Variants in SHOX observed in about 807,000 individuals in gnomAD.
SHOX encodes the protein SHOX homeobox.
In SHOX, 12 loss-of-function variants were observed where a neutral mutation model predicts 29.6. The ratio of observed to expected loss-of-function variants is 0.41; its 90% confidence interval spans 0.26 to 0.66. SHOX has a LOEUF of 0.66. Ranked by LOEUF, SHOX falls within the 30% of genes least tolerant of loss-of-function variation. The pLI, the probability that SHOX is intolerant of heterozygous loss-of-function variation, is 0.35. For synonymous variants in SHOX, 214 were observed against 200.6 expected (o/e 1.07, Z -0.57); for missense variants, 499 against 437.7 (o/e 1.14, Z -1.25).
chrX:637,769 T>G (rs2052783340), intron 2 of SHOX, among the ~76,000 whole-genome samples: 1 of 152,188 alleles, frequency 6.6e-6, no homozygotes, highest in Non-Finnish European at 1.5e-5. Flanking sequence ...TCTCTGTGAA[T>G]TCTTGGGTCA....
chrX:633,744 G>A (rs1433805428), intron 1 of SHOX, among the ~76,000 whole-genome samples: 1 of 152,140 alleles, frequency 6.6e-6, no homozygotes, highest in Admixed American at 6.5e-5. Context: ...TAGGAACAGA[G>A]GGGCGTTGGA....
In SHOX at chrX:651,211, T is replaced by G. The variant is rs762874088; in HGVS notation, c.*6575T>G. ...TTATTTTTATATTTCTGAAAACTGT[T>G]GCTTTTTCTTTTTCCCTCCCCCATT... is the stretch of plus-strand genomic sequence containing the variant. On this transcript the variant is annotated 3_prime_UTR_variant, in exon 5 of 5. Transcript: ENST00000686671. 18 of 431,976 alleles carry G rather than the reference T, an allele frequency of 4.2e-5. No individual in the cohort carries two copies. The highest frequency in any genetic ancestry group is 7.0e-5 in the Non-Finnish European group (15 of 214,800). 26.8% of individuals were successfully genotyped at this position (431,976 alleles called of 1,614,324 possible). A position where few individuals can be genotyped will look rare whatever the true frequency, so the allele number is the denominator to read the frequency against.
Position 649,902 on chromosome X carries a change from T to C in SHOX, c.*5266T>C, listed in dbSNP as rs757581888. On this transcript the variant is annotated 3_prime_UTR_variant, in exon 5 of 5. Coordinates refer to ENST00000686671, the MANE Select transcript of SHOX (RefSeq NM_000451.4). ...TCTGGTGAAATCTGTTTCTGACATA[T>C]CCACTTTTCTCTCTCTTTTCTCTCT... The C allele has an allele frequency of 2.2e-6, 1 of 456,076 alleles. No individual in the cohort carries two copies. Among genetic ancestry groups the C allele is most frequent in the South Asian group, 1.5e-5 (1 of 64,562 alleles). 28.3% of individuals were successfully genotyped at this position (456,076 alleles called of 1,614,324 possible). A position where few individuals can be genotyped will look rare whatever the true frequency, so the allele number is the denominator to read the frequency against.
At chrX:656,032 G>A (rs909851562), downstream of SHOX, among the ~76,000 whole-genome samples, 1 of 145,924 alleles carries the variant, frequency 6.9e-6, no homozygotes, top group South Asian at 2.3e-4. Flanking sequence ...AAAACATTTA[G>A]CCAGATGTGG....
At position 637,794 on chromosome X, in the gene SHOX, C is replaced by G. The variant is rs760254623; in HGVS notation, c.486+2968C>G. Among the ~76,000 whole-genome samples, 4 of 152,296 alleles carry G rather than the reference C, an allele frequency of 2.6e-5. No homozygotes were observed. In the South Asian group the frequency reaches 8.3e-4, roughly 32 times the overall value. On this transcript the variant is annotated intron_variant, in intron 2 of 4. Coordinates refer to ENST00000686671, the MANE Select transcript of SHOX (RefSeq NM_000451.4). ...TTCTTGGGTCACATGCGTCTCAGTA[C>G]AGCCCGTCCCGTGCTGTGACCGGAT...
intron 4 of SHOX, 72 bp from the exon 5 acceptor site, chrX:644,319 C>T: frequency 1.4e-6 from 2 of 1,441,714 alleles, no homozygotes; most frequent in Non-Finnish European, 9.1e-7. Context: ...TGGAGGTTTC[C>T]GGGGGCGCGG....
At chrX:651,983 C>T (rs190963908), downstream of SHOX, among the ~76,000 whole-genome samples, 66 of 152,114 alleles carry the variant, frequency 4.3e-4, no homozygotes, top group East Asian at 9.7e-4. Flanking sequence ...AGTGCAGGGG[C>T]GCGATCTCGG....
chrX:636,232 TA>T (rs2052745160), intron 2 of SHOX, among the ~76,000 whole-genome samples: 2 of 145,928 alleles, frequency 1.4e-5, no homozygotes, highest in Non-Finnish European at 3.0e-5. Context: ...ATATAATATA[TA>T]AATCTATAAA....
rs762812932 is a variant in SHOX at position 644,640 on chromosome X, G to A, written c.*4G>A. 9.5e-6 allele frequency: 14 copies of A among 1,468,542 alleles called. No individual in the cohort carries two copies. The highest frequency in any genetic ancestry group is 2.6e-5 in the South Asian group (2 of 76,144). 91.0% of individuals were successfully genotyped at this position (1,468,542 alleles called of 1,614,324 possible). ...CGCGGAGGCCCTGGGGCTCTGACCC[G>A]CCGCGCAGCCCCCCGCGCGCCCGGA... On this transcript the variant is annotated 3_prime_UTR_variant, in exon 5 of 5. Coordinates refer to ENST00000686671, the MANE Select transcript of SHOX (RefSeq NM_000451.4).
At chrX:626,830 CTCTT>C (rs1248314543), upstream of SHOX, among the ~76,000 whole-genome samples, 22 of 151,208 alleles carry the variant, frequency 1.5e-4, no homozygotes, top group Admixed American at 2.0e-4. Flanking sequence ...TCTCCTCTCT[CTCTT>C]TTTCTGTCTC....
chrX:655,066 G>A (rs766360872), downstream of SHOX, among the ~76,000 whole-genome samples: 12 of 152,058 alleles, frequency 7.9e-5, no homozygotes, highest in South Asian at 2.3e-3. Flanking sequence ...CTGGCTGACA[G>A]AGTGAGACCA....
In SHOX at chrX:625,323, A is replaced by C. The variant is rs1443899412; in HGVS notation, c.-433+721A>C. ...TTATTCGCAGTCGTTGTTTTTGTCC[A>C]TCCACTAACTTCTCTGAAACCTGAT... On this transcript the variant is annotated intron_variant, in intron 1 of 5. Transcript: ENST00000334060. 5.3e-5 allele frequency among the ~76,000 whole-genome samples: 8 copies of C among 150,002 alleles called. No individual in the cohort carries two copies. In the Admixed American group the frequency reaches 5.3e-4, roughly 10 times the overall value.
Position 630,820 on chromosome X carries a change from G to T in SHOX, c.-78G>T. 2.6e-6 allele frequency: 4 copies of T among 1,562,084 alleles called. No individual in the cohort carries two copies. Among genetic ancestry groups the T allele is most frequent in the Non-Finnish European group, 3.5e-6 (4 of 1,138,046 alleles). On this transcript the variant is annotated 5_prime_UTR_variant, in exon 1 of 5. Coordinates refer to ENST00000686671, the MANE Select transcript of SHOX (RefSeq NM_000451.4). The stretch of plus-strand genomic sequence containing the variant: ...ATAACAGCGCTGGTGATCCACCCGC[G>T]CGCACGGGCCGTCCTCTCCGCGCGG...
At chrX:655,305 C>T (rs1435414870), downstream of SHOX, among the ~76,000 whole-genome samples, 1 of 151,710 alleles carries the variant, frequency 6.6e-6, no homozygotes. Flanking sequence ...GACGGGATTT[C>T]ACCGTGTTAG....
chrX:641,954 G>T (rs1047722325), intron 4 of SHOX, among the ~76,000 whole-genome samples: 14 of 152,100 alleles, frequency 9.2e-5, no homozygotes, highest in Non-Finnish European at 2.1e-4. Context: ...CCCTGGCTTG[G>T]GCTCTGCACC....
chrX:644,588 C>T lies in SHOX; in HGVS notation c.831C>T (p.Ala277=), dbSNP rs1341478838. The T allele has an allele frequency of 6.6e-7, 1 of 1,512,742 alleles. No individual in the cohort carries two copies. The highest frequency in any genetic ancestry group is 8.8e-7 in the Non-Finnish European group (1 of 1,137,396). The allele number at this position is 1,512,742 out of a possible 1,614,324, so 93.7% of individuals were successfully genotyped here. A position where few individuals can be genotyped will look rare whatever the true frequency, so the allele number is the denominator to read the frequency against. ...GCAACAGCAAGAATTCCAGCATCGCCGACCTGCGGCTCAAGGCGCGGAAGC... is the reference window on the plus strand; with the variant it reads ...GCAACAGCAAGAATTCCAGCATCGCTGACCTGCGGCTCAAGGCGCGGAAGC... ...AKSNSKNSSI[A]DLRLKARKHA... Residue 277 remains alanine, a synonymous_variant, in exon 5 of 5, where the codon GCC becomes GCT. Coordinates refer to ENST00000686671, the MANE Select transcript of SHOX (RefSeq NM_000451.4).
downstream of SHOX, among the ~76,000 whole-genome samples, chrX:652,348 T>G (rs2124215523): frequency 6.6e-6 from 1 of 151,488 alleles, no homozygotes; most frequent in Admixed American, 6.6e-5. Context: ...AAATTTTTTT[T>G]TTTTTTTTTG....
intron 4 of SHOX, among the ~76,000 whole-genome samples, chrX:642,159 G>A (rs1375224065): frequency 6.6e-6 from 1 of 152,208 alleles, no homozygotes; most frequent in Admixed American, 6.5e-5. Flanking sequence ...CGTGGAAGGA[G>A]GTGAAGGGTC....
At chrX:636,480 TA>T (rs199762778) in intron 2 of SHOX, among the ~76,000 whole-genome samples, 15,896 of 24,134 alleles carry the variant, frequency 0.66, 5,487 homozygotes, top group East Asian at 0.95. Context: ...TATATACATA[TA>T]AAATATACAT....
Sources: allele counts gnomAD v4.1 joint callset (sites outside exome capture counted in the v4.1 genomes callset), GRCh38; gene constraint gnomAD v4.1.1; transcripts MANE v1.5; gene names NCBI Gene and HGNC (gene_info 2026-07-23, HGNC 2026-07-21).